The following MAN1A1 variants were observed in gnomAD, a reference collection of about 807,000 sequenced individuals.
MAN1A1 encodes the protein mannosidase alpha class 1A member 1, also known as mannosyl-oligosaccharide 1,2-alpha-mannosidase IA.
Under a neutral mutation model 70.8 loss-of-function variants are expected in MAN1A1, and 29 were observed. That is an observed-to-expected ratio of 0.41 (90% confidence interval 0.31 to 0.56). MAN1A1 has a LOEUF of 0.56. Ranked by LOEUF, MAN1A1 falls within the 20% of genes least tolerant of loss-of-function variation. MAN1A1 has a pLI of 0.29. For synonymous variants in MAN1A1, 349 were observed against 330.1 expected (o/e 1.06, Z -0.62); for missense variants, 747 against 841.3 (o/e 0.89, Z 1.39).
chr6:119,264,529 C>G (rs1278944968), intron 5 of MAN1A1, among the ~76,000 whole-genome samples: 2 of 152,134 alleles, frequency 1.3e-5, no homozygotes, highest in Non-Finnish European at 2.9e-5. Context: ...AATAGGACAG[C>G]CAATTCCTGA....
chr6:119,332,252 T>G (rs1773337172), intron 2 of MAN1A1, among the ~76,000 whole-genome samples: 1 of 152,164 alleles, frequency 6.6e-6, no homozygotes, highest in South Asian at 2.1e-4. Context: ...CATTATTGAT[T>G]TCCTTAATTA....
intron 4 of MAN1A1, among the ~76,000 whole-genome samples, chr6:119,300,952 G>C (rs1772375002): frequency 6.6e-6 from 1 of 152,170 alleles, no homozygotes; most frequent in Non-Finnish European, 1.5e-5. Flanking sequence ...ATGGGGGAAA[G>C]ACTTAGCTTT....
intron 6 of MAN1A1, among the ~76,000 whole-genome samples, chr6:119,232,257 C>T (rs1029047495): frequency 6.6e-6 from 1 of 151,362 alleles, no homozygotes; most frequent in African/African-American, 2.4e-5. Context: ...CCTGTAGTCC[C>T]AGCTACTCGG....
rs916655172 is a variant in MAN1A1, at chr6:119,283,354, A to T, written c.897+7329T>A. Among the ~76,000 whole-genome samples the T allele has an allele frequency of 1.1e-4, 17 of 152,364 alleles. 1 individual carries two copies. The East Asian group carries it at 2.9e-3, about 26-fold the overall frequency. On this transcript the variant is annotated intron_variant, in intron 5 of 12. Coordinates refer to ENST00000368468, the MANE Select transcript of MAN1A1 (RefSeq NM_005907.4). ...TGTTGAAGAGTTTTAGTCAATGACTAAATGACTAAACATTTACTAAATGTT... is the reference window on the plus strand; with the variant it reads ...TGTTGAAGAGTTTTAGTCAATGACTTAATGACTAAACATTTACTAAATGTT...
At chr6:119,219,821 T>C (rs1774309197) in intron 6 of MAN1A1, among the ~76,000 whole-genome samples, 1 of 152,138 alleles carries the variant, frequency 6.6e-6, no homozygotes, top group South Asian at 2.1e-4. Flanking sequence ...TTACATGTCA[T>C]ACGTCTTCTA....
At chr6:119,302,139 T>C in intron 3 of MAN1A1, 36 bp from the exon 4 acceptor site, 1 of 1,049,328 alleles carries the variant, frequency 9.5e-7, no homozygotes, top group Non-Finnish European at 1.5e-6. Flanking sequence ...TAAAATACTT[T>C]GCCTAGATAA....
At chr6:119,181,611 C>A (rs552487888) in intron 11 of MAN1A1, among the ~76,000 whole-genome samples, 4 of 152,240 alleles carry the variant, frequency 2.6e-5, no homozygotes, top group Admixed American at 2.6e-4. Flanking sequence ...TAGGTAACAA[C>A]CTAAACCAAC....
At chr6:119,216,691 T>C (rs1774214867) in intron 6 of MAN1A1, among the ~76,000 whole-genome samples, 1 of 152,202 alleles carries the variant, frequency 6.6e-6, no homozygotes, top group South Asian at 2.1e-4. Context: ...TTTTCTGCAA[T>C]GGCTTTTCTG....
intron 5 of MAN1A1, among the ~76,000 whole-genome samples, chr6:119,285,287 T>G (rs891195470): frequency 1.3e-5 from 2 of 151,998 alleles, no homozygotes; most frequent in African/African-American, 4.8e-5. Context: ...CAGATTCTTT[T>G]TAACAACCAG....
intron 5 of MAN1A1, among the ~76,000 whole-genome samples, chr6:119,265,502 TAATA>T (rs1775728486): frequency 6.6e-6 from 1 of 152,176 alleles, no homozygotes; most frequent in Non-Finnish European, 1.5e-5. Flanking sequence ...TTGAACATTT[TAATA>T]AAGTTTAATA....
intron 11 of MAN1A1, among the ~76,000 whole-genome samples, chr6:119,185,577 T>A (rs1170956977): frequency 1.0e-5 from 1 of 99,272 alleles, no homozygotes; most frequent in Non-Finnish European, 2.4e-5. Flanking sequence ...TATAAGCCAG[T>A]TTTTCTTTAT....
At chr6:119,212,528 CA>C (rs947985573) in intron 6 of MAN1A1, among the ~76,000 whole-genome samples, 1 of 152,124 alleles carries the variant, frequency 6.6e-6, no homozygotes, top group African/African-American at 2.4e-5. Flanking sequence ...ATCCAAACAC[CA>C]AACACCCTAG....
chr6:119,313,539 C>T (rs998330651), intron 2 of MAN1A1, among the ~76,000 whole-genome samples: 9 of 152,104 alleles, frequency 5.9e-5, no homozygotes. Flanking sequence ...ATTCTTTACC[C>T]CAATGTTACA....
At chr6:119,288,516 A>G (rs1214122611) in intron 5 of MAN1A1, among the ~76,000 whole-genome samples, 3 of 151,928 alleles carry the variant, frequency 2.0e-5, no homozygotes, top group Non-Finnish European at 2.9e-5. Flanking sequence ...CCTGGGGTAA[A>G]AAATTTTCCG....
chr6:119,281,340 C>A (rs1462303385), intron 5 of MAN1A1, among the ~76,000 whole-genome samples: 1 of 152,166 alleles, frequency 6.6e-6, no homozygotes, highest in African/African-American at 2.4e-5. Flanking sequence ...ACAGTCTAAC[C>A]CAAGTCAGTG....
intron 5 of MAN1A1, among the ~76,000 whole-genome samples, chr6:119,250,490 A>G (rs2267677): frequency 6.6e-6 from 1 of 152,228 alleles, no homozygotes; most frequent in Non-Finnish European, 1.5e-5. Flanking sequence ...ATAATAAGTT[A>G]TTATATTTAA....
In MAN1A1 at chr6:119,227,824, C is replaced by T. The variant is rs930680733; in HGVS notation, c.992+20436G>A. 8.6e-5 allele frequency among the ~76,000 whole-genome samples: 13 copies of T among 152,024 alleles called. No homozygotes were observed. In the East Asian group the frequency reaches 1.2e-3, roughly 14 times the overall value. On this transcript the variant is annotated intron_variant, in intron 6 of 12. Transcript: ENST00000368468. ...ATATGTTAACATCGGATTGAAATTT[C>T]GAGTGATTATTTTTTCCCATGAAAA...
intron 2 of MAN1A1, among the ~76,000 whole-genome samples, chr6:119,310,623 C>A (rs1318194739): frequency 6.6e-6 from 1 of 152,100 alleles, no homozygotes; most frequent in African/African-American, 2.4e-5. Flanking sequence ...GGAAGTGTAA[C>A]TGGGAAACAT....
Position 119,179,817 on chromosome 6 carries a change from T to C in MAN1A1, c.*2A>G, listed in dbSNP as rs780317362. ...GAGCAGAATAAAATATAAAATGTCT[T>C]TTTATTCCTCTCTGATTTCAACTTC... On this transcript the variant is annotated 3_prime_UTR_variant, in exon 13 of 13. Coordinates refer to ENST00000368468, the MANE Select transcript of MAN1A1 (RefSeq NM_005907.4). The C allele has an allele frequency of 1.9e-6, 3 of 1,611,308 alleles. No homozygotes were observed. Among genetic ancestry groups the C allele is most frequent in the Non-Finnish European group, 2.5e-6 (3 of 1,177,674 alleles).
Sources: allele counts gnomAD v4.1 joint callset (sites outside exome capture counted in the v4.1 genomes callset), GRCh38; gene constraint gnomAD v4.1.1; transcripts MANE v1.5; gene names NCBI Gene and HGNC (gene_info 2026-07-23, HGNC 2026-07-21).